Variants in POU2F3 observed in about 807,000 individuals in gnomAD.
POU2F3 encodes POU domain, class 2, transcription factor 3.
In POU2F3, 23 loss-of-function variants were observed where a neutral mutation model predicts 59.2. The ratio of observed to expected loss-of-function variants is 0.39; its 90% CI spans 0.28 to 0.55. The LOEUF is 0.55. POU2F3 is among the 20% of genes least tolerant of loss of function. The probability of loss-of-function intolerance (pLI) is 0.66; values close to 1 mark genes in which losing one functional copy is unlikely to be tolerated. For synonymous variants in POU2F3, 190 were observed against 214.6 expected, an observed-to-expected ratio of 0.89 and a Z score of 1.00; for missense variants, 473 against 544.5, an observed-to-expected ratio of 0.87 and a Z score of 1.31.
At chr11:120,295,781 G>T (rs1173366810) in intron 3 of POU2F3, among the ~76,000 whole-genome samples, 3 of 152,154 alleles carry the variant, frequency 2.0e-5, no homozygotes, top group Non-Finnish European at 4.4e-5. Flanking sequence ...AGGCAGCCAT[G>T]TTTTTTGAGT....
At chr11:120,294,529 G>A (rs1941129616) in intron 3 of POU2F3, among the ~76,000 whole-genome samples, 1 of 152,180 alleles carries the variant, frequency 6.6e-6, no homozygotes, top group African/African-American at 2.4e-5. Flanking sequence ...GAAGTCAATG[G>A]GATCCAACAG....
At chr11:120,314,817 A>G (rs1591447572) in intron 10 of POU2F3, among the ~76,000 whole-genome samples, 1 of 152,298 alleles carries the variant, frequency 6.6e-6, no homozygotes, top group South Asian at 2.1e-4. Flanking sequence ...AGGGCAAAAT[A>G]AAAAGCTTCA....
At chr11:120,255,807 A>T (rs1002637008) in intron 2 of POU2F3, among the ~76,000 whole-genome samples, 4 of 152,120 alleles carry the variant, frequency 2.6e-5, no homozygotes, top group Admixed American at 6.5e-5. Flanking sequence ...CAGTGTCCTG[A>T]GGACATCTGA....
intron 3 of POU2F3, 60 bp downstream of exon 3, chr11:120,269,304 G>A: frequency 7.5e-7 from 1 of 1,340,570 alleles, no homozygotes. Context: ...CACCTATACT[G>A]TCTGGTATGG....
rs543612564 is a variant in POU2F3, at chr11:120,246,598, C to G, written c.97+81C>G. ...AATTGTTGAACAACTGGTGTCTCTT[C>G]TTGCTTGGTCTTTCAGCCAACCAGA... On this transcript the variant is annotated intron_variant, in intron 2 of 12. Coordinates refer to ENST00000543440, the MANE Select transcript of POU2F3 (RefSeq NM_014352.4). 25 of 1,480,094 alleles carry G rather than the reference C, an allele frequency of 1.7e-5. No homozygotes were observed. In the African/African-American group the frequency reaches 3.5e-4, roughly 21 times the overall value. The allele number at this position is 1,480,094 out of a possible 1,614,324, so 91.7% of individuals were successfully genotyped here.
intron 5 of POU2F3, 98 bp downstream of exon 5, chr11:120,299,824 C>T (rs1001814515): frequency 5.0e-6 from 5 of 994,694 alleles, no homozygotes; most frequent in East Asian, 2.6e-5. Context: ...GGAGAGCATG[C>T]GTCAGTCAGT....
At chr11:120,291,552 C>T in intron 3 of POU2F3, among the ~76,000 whole-genome samples, 1 of 152,198 alleles carries the variant, frequency 6.6e-6, no homozygotes, top group Non-Finnish European at 1.5e-5. Context: ...CACCAAACAA[C>T]TTTGAAGAGT....
At chr11:120,280,563 C>T (rs1411944082) in intron 3 of POU2F3, among the ~76,000 whole-genome samples, 1 of 152,046 alleles carries the variant, frequency 6.6e-6, no homozygotes, top group Non-Finnish European at 1.5e-5. Context: ...GTAAGACAGG[C>T]CTGTCTGACT....
At chr11:120,272,690 AAC>A (rs1940129429) in intron 3 of POU2F3, among the ~76,000 whole-genome samples, 1 of 152,126 alleles carries the variant, frequency 6.6e-6, no homozygotes, top group South Asian at 2.1e-4. Context: ...TGAGCCTGTT[AAC>A]TTCCTGGTCC....
chr11:120,293,134 G>A (rs897992215), intron 3 of POU2F3, among the ~76,000 whole-genome samples: 2 of 152,162 alleles, frequency 1.3e-5, no homozygotes, highest in Admixed American at 1.3e-4. Context: ...TTTTGTAGAA[G>A]TTTGATGCTC....
chr11:120,249,043 G>A (rs1460658082), intron 2 of POU2F3, among the ~76,000 whole-genome samples: 1 of 152,212 alleles, frequency 6.6e-6, no homozygotes, highest in African/African-American at 2.4e-5. Flanking sequence ...ACTGGGAAAG[G>A]GAGGTAAATT....
At chr11:120,307,423 G>A in intron 8 of POU2F3, 56 bp from the exon 9 acceptor site, 1 of 1,591,976 alleles carries the variant, frequency 6.3e-7, no homozygotes, top group East Asian at 2.2e-5. Context: ...ATCCATGAAG[G>A]CACCGGCCAC....
intron 2 of POU2F3, among the ~76,000 whole-genome samples, chr11:120,260,234 C>T (rs1157095558): frequency 6.6e-6 from 1 of 152,260 alleles, no homozygotes; most frequent in Non-Finnish European, 1.5e-5. Flanking sequence ...GGCAAACTCA[C>T]ATCCCAGGGC....
upstream of POU2F3, among the ~76,000 whole-genome samples, chr11:120,239,446 T>C (rs986786774): frequency 3.3e-5 from 5 of 152,114 alleles, no homozygotes; most frequent in Admixed American, 6.6e-5. Flanking sequence ...ACCAAAAGCC[T>C]GGGCACTGGT....
chr11:120,316,635 A>T (rs990326840), intron 11 of POU2F3, among the ~76,000 whole-genome samples: 4 of 152,208 alleles, frequency 2.6e-5, no homozygotes, highest in African/African-American at 9.6e-5. Flanking sequence ...CATGTTGCCC[A>T]GGTTGATCTT....
At chr11:120,300,662 G>GTTTTC in intron 5 of POU2F3, among the ~76,000 whole-genome samples, 1 of 152,204 alleles carries the variant, frequency 6.6e-6, no homozygotes, top group East Asian at 1.9e-4. Context: ...TACTCAGGAG[G>GTTTTC]TTGAGGCAAG....
chr11:120,264,817 AC>A (rs1939760877), intron 2 of POU2F3, among the ~76,000 whole-genome samples: 1 of 152,190 alleles, frequency 6.6e-6, no homozygotes, highest in Non-Finnish European at 1.5e-5. Flanking sequence ...TTCTAAGCAT[AC>A]CCTGCTGCTC....
intron 2 of POU2F3, among the ~76,000 whole-genome samples, chr11:120,248,023 G>A (rs930828267): frequency 1.3e-5 from 2 of 152,244 alleles, no homozygotes; most frequent in Admixed American, 6.5e-5. Flanking sequence ...AACCCTGAAA[G>A]AGGAGCCAGG....
At chr11:120,304,577 T>C (rs1941431354) in intron 6 of POU2F3, among the ~76,000 whole-genome samples, 1 of 152,108 alleles carries the variant, frequency 6.6e-6, no homozygotes, top group Non-Finnish European at 1.5e-5. Flanking sequence ...TTAATGCCTG[T>C]TCAACACCTC....
Sources: allele counts gnomAD v4.1 joint callset (sites outside exome capture counted in the v4.1 genomes callset), GRCh38; gene constraint gnomAD v4.1.1; transcripts MANE v1.5; gene names NCBI Gene and HGNC (gene_info 2026-07-23, HGNC 2026-07-21).